The following ADGRV1 variants were observed in gnomAD, a reference collection of about 807,000 sequenced individuals.
The protein encoded by ADGRV1 is adhesion G protein-coupled receptor V1.
ADGRV1 carries 359 observed loss-of-function variants against 596.2 expected under a neutral mutation model. That is an observed-to-expected ratio of 0.60 (90% CI 0.55 to 0.66). The LOEUF is 0.66. Among genes scored for constraint, ADGRV1 ranks in the 30% least tolerant of loss-of-function variants. The pLI is 0.00. For missense variants in ADGRV1, 7,274 were observed against 7,575.6 expected (o/e 0.96, Z 1.48); for synonymous variants, 2,681 against 2,679.2 (o/e 1.00, Z -0.02).
chr5:90,945,722 A>C (rs914312040), intron 83 of ADGRV1, among the ~76,000 whole-genome samples: 1 of 152,060 alleles, frequency 6.6e-6, no homozygotes, highest in African/African-American at 2.4e-5. Flanking sequence ...ATAGTGGCTC[A>C]CTCCTGTAAT....
chr5:90,689,557 A>G (rs1405193985), intron 29 of ADGRV1, among the ~76,000 whole-genome samples: 2 of 151,894 alleles, frequency 1.3e-5, no homozygotes, highest in Non-Finnish European at 2.9e-5. Context: ...AAGGGGGCCT[A>G]TCTTGTAATG....
chr5:90,881,135 C>A (rs1769726305), intron 83 of ADGRV1, among the ~76,000 whole-genome samples: 1 of 152,220 alleles, frequency 6.6e-6, no homozygotes, highest in African/African-American at 2.4e-5. Flanking sequence ...TGCATCTCAT[C>A]TTTAGTTGAT....
intron 83 of ADGRV1, among the ~76,000 whole-genome samples, chr5:90,901,825 A>G (rs1265259082): frequency 6.6e-6 from 1 of 152,164 alleles, no homozygotes; most frequent in Non-Finnish European, 1.5e-5. Flanking sequence ...CATGGATTAA[A>G]TGGGATTCTG....
intron 1 of ADGRV1, among the ~76,000 whole-genome samples, chr5:90,594,387 C>T (rs1218976198): frequency 1.3e-5 from 2 of 151,908 alleles, no homozygotes; most frequent in Non-Finnish European, 2.9e-5. Context: ...GCTGCTTCTT[C>T]TGCCATAATT....
At chr5:90,784,267 T>C (rs1396718087) in intron 67 of ADGRV1, among the ~76,000 whole-genome samples, 1 of 152,174 alleles carries the variant, frequency 6.6e-6, no homozygotes, top group Non-Finnish European at 1.5e-5. Flanking sequence ...GAGGGCTTGT[T>C]AGAAATGAAG....
At position 91,097,482 on chromosome 5, in the gene ADGRV1, G is replaced by A. The variant is rs146061983; in HGVS notation, c.18311-4737G>A. Reference sequence around the variant, plus strand: ...TTTATTTATCTATTCATCTGTTGATGGACATTTGGGTTGTTTCCACCTTTT... The same window carrying A: ...TTTATTTATCTATTCATCTGTTGATAGACATTTGGGTTGTTTCCACCTTTT... On this transcript the variant is annotated intron_variant, in intron 86 of 89. Coordinates refer to ENST00000405460, the MANE Select transcript of ADGRV1 (RefSeq NM_032119.4). 1.7e-3 allele frequency among the ~76,000 whole-genome samples: 266 copies of A among 152,306 alleles called. 2 individuals are homozygous for A. The highest frequency in any genetic ancestry group is 6.2e-3 in the African/African-American group (257 of 41,582).
At chr5:90,831,378 T>C (rs1316034300) in intron 77 of ADGRV1, among the ~76,000 whole-genome samples, 3 of 151,870 alleles carry the variant, frequency 2.0e-5, no homozygotes, top group Admixed American at 1.3e-4. Context: ...ATAGGCTTAG[T>C]AGAGAATGTT....
intron 83 of ADGRV1, among the ~76,000 whole-genome samples, chr5:90,918,822 C>G (rs1316436977): frequency 6.6e-6 from 1 of 152,118 alleles, no homozygotes; most frequent in Admixed American, 6.5e-5. Flanking sequence ...CTCTCTTTAC[C>G]TCTTAGTGGA....
intron 85 of ADGRV1, among the ~76,000 whole-genome samples, chr5:90,988,672 G>A (rs1780698512): frequency 6.6e-6 from 1 of 151,784 alleles, no homozygotes; most frequent in Non-Finnish European, 1.5e-5. Context: ...TTAAGTTTTA[G>A]GGTACATGTG....
At chr5:90,856,636 A>C (rs1366742013) in intron 82 of ADGRV1, among the ~76,000 whole-genome samples, 4 of 152,152 alleles carry the variant, frequency 2.6e-5, no homozygotes, top group African/African-American at 9.6e-5. Flanking sequence ...ACAAGGTGCT[A>C]TACAGTGAAT....
chr5:90,694,356 A>T lies in ADGRV1; in HGVS notation c.7600A>T (p.Met2534Leu). 1 of 1,613,986 alleles carries T rather than the reference A, an allele frequency of 6.2e-7. No individual in the cohort carries two copies. Among genetic ancestry groups the T allele is most frequent in the Non-Finnish European group, 8.5e-7 (1 of 1,179,890 alleles). Reference sequence around the variant, plus strand: ...TATTCTTCCTGATGATTTCCCAGAGATGGATGAGAGTTTTCTAATTTCTCT... The same window carrying T: ...TATTCTTCCTGATGATTTCCCAGAGTTGGATGAGAGTTTTCTAATTTCTCT... The part of the protein sequence containing the change: ...VSILPDDFPE[M>L]DESFLISLLE... The change falls in exon 33 of 90, where the codon ATG becomes TTG. Residue 2534 changes from methionine (M) to leucine (L), a missense_variant. Met to Leu is a conservative substitution (Grantham distance 15, BLOSUM62 2). Transcript: ENST00000405460.
At chr5:91,137,208 C>G (rs758264830) in intron 87 of ADGRV1, among the ~76,000 whole-genome samples, 1 of 152,016 alleles carries the variant, frequency 6.6e-6, no homozygotes, top group African/African-American at 2.4e-5. Context: ...GCCTCAGCCT[C>G]CCAAAGTACT....
At chr5:91,008,339 G>A (rs1384899676) in intron 85 of ADGRV1, among the ~76,000 whole-genome samples, 1 of 152,068 alleles carries the variant, frequency 6.6e-6, no homozygotes, top group Non-Finnish European at 1.5e-5. Context: ...CACAGAATTG[G>A]AAAGAGATGC....
rs778146797 is a variant in ADGRV1, at chr5:90,810,825, C to T, written c.15565C>T (p.Pro5189Ser). ...TGAGGCAACTGGTGTATCTGCCATC[C>T]CTGAGAAACTTGTCACCCTTCATGG... ...VTEATGVSAI[P>S]EKLVTLHGTP... is the part of the protein sequence containing the mutation. The change falls in exon 74 of 90, where the codon CCT becomes TCT. Residue 5189 changes from proline (P) to serine (S), a missense_variant. Coordinates refer to ENST00000405460, the MANE Select transcript of ADGRV1 (RefSeq NM_032119.4). 6.2e-7 allele frequency: 1 copy of T among 1,613,972 alleles called. No homozygotes were observed. The highest frequency in any genetic ancestry group is 2.2e-5 in the East Asian group (1 of 44,888).
At chr5:90,582,105 A>G (rs1580343516) in intron 1 of ADGRV1, among the ~76,000 whole-genome samples, 1 of 143,238 alleles carries the variant, frequency 7.0e-6, no homozygotes, top group Non-Finnish European at 1.5e-5. Flanking sequence ...ATGACCAAGC[A>G]TGTGTTTTTT....
chr5:91,031,092 T>A, intron 85 of ADGRV1: 1 of 1,416,300 alleles, frequency 7.1e-7, no homozygotes, highest in Non-Finnish European at 9.8e-7. Flanking sequence ...AGTAGCTCAG[T>A]GTTTTGGGAT....
intron 1 of ADGRV1, among the ~76,000 whole-genome samples, chr5:90,598,881 C>T (rs943778768): frequency 3.3e-5 from 5 of 152,156 alleles, no homozygotes; most frequent in African/African-American, 7.2e-5. Context: ...TAATAATCTT[C>T]GTTACATCAC....
chr5:90,604,540 C>A (rs2152030060), intron 1 of ADGRV1, among the ~76,000 whole-genome samples: 1 of 152,212 alleles, frequency 6.6e-6, no homozygotes, highest in South Asian at 2.1e-4. Context: ...CTTTTCATGA[C>A]TTTTTAAGAT....
chr5:90,604,052 T>G (rs972021690), intron 1 of ADGRV1, among the ~76,000 whole-genome samples: 4 of 151,944 alleles, frequency 2.6e-5, no homozygotes, highest in East Asian at 2.0e-4. Flanking sequence ...GCAAATTCTC[T>G]GTCTAACTGG....
Sources: gnomAD v4.1 joint callset for allele counts (sites outside exome capture counted in the v4.1 genomes callset) on GRCh38, gnomAD v4.1.1 for gene constraint, MANE v1.5 for transcripts, NCBI Gene and HGNC (gene_info 2026-07-23, HGNC 2026-07-21) for gene names.